The following CLK3 variants were observed in gnomAD, a reference collection of about 807,000 sequenced individuals.
The protein encoded by CLK3 is dual specificity protein kinase CLK3.
Under a neutral mutation model 65.2 loss-of-function variants are expected in CLK3, and 24 were observed. The ratio of observed to expected loss-of-function variants is 0.37; its 90% CI spans 0.27 to 0.52. The LOEUF is 0.52. Ranked by LOEUF, CLK3 falls within the 20% of genes least tolerant of loss-of-function variation. CLK3 has a pLI of 0.92. For synonymous variants in CLK3, 252 were observed against 240.8 expected (o/e 1.05, Z -0.43); for missense variants, 506 against 660.0 (o/e 0.77, Z 2.56).
intron 1 of CLK3, among the ~76,000 whole-genome samples, chr15:74,616,914 TGCAGA>T (rs2062064942): frequency 6.6e-6 from 1 of 152,254 alleles, no homozygotes; most frequent in Non-Finnish European, 1.5e-5. Flanking sequence ...TTCCTCATTG[TGCAGA>T]GCAGAGCTTC....
At chr15:74,610,658 C>G (rs2141525223) in intron 1 of CLK3, among the ~76,000 whole-genome samples, 1 of 152,374 alleles carries the variant, frequency 6.6e-6, no homozygotes, top group Middle Eastern at 3.4e-3. Context: ...CTGTGCATCT[C>G]TACCTCCAGC....
Position 74,624,739 on chromosome 15 carries a change from G to C in CLK3, c.534-163G>C. ...GGGAGCTTGCTGTTGGGTGGGCAAA[G>C]GTCTGGTGTTGCATGGGGCAGGCTG... On this transcript the variant is annotated intron_variant, in intron 5 of 12. Transcript: ENST00000395066. The surrounding 1 kb of genome is among the most constrained non-coding windows in gnomAD (Gnocchi z 4.2). 1 of 623,678 alleles carries C rather than the reference G, an allele frequency of 1.6e-6. No homozygotes were observed. 38.6% of individuals were successfully genotyped at this position (623,678 alleles called of 1,614,324 possible). A position where few individuals can be genotyped will look rare whatever the true frequency, so the allele number is the denominator to read the frequency against.
At position 74,622,698 on chromosome 15, in the gene CLK3, CT is replaced by C; in HGVS notation, c.533+139del. On this transcript the variant is annotated intron_variant, in intron 5 of 12. Coordinates refer to ENST00000395066, the MANE Select transcript of CLK3 (RefSeq NM_001130028.2). This position sits in a 1 kb window ranked among gnomAD's most constrained non-coding sequence, Gnocchi z 4.6. ...GGTGGCATCAAAGTAGGGTTCCGAC[CT>C]GTCCATGTTGGGGTTTTGCTGACCC... 1 of 590,966 alleles carries C rather than the reference CT, an allele frequency of 1.7e-6. No homozygotes were observed. The highest frequency in any genetic ancestry group is 3.4e-5 in the Admixed American group (1 of 29,778). The allele number at this position is 590,966 out of a possible 1,614,324, so 36.6% of individuals were successfully genotyped here.
At chr15:74,620,306 G>C (rs527476353) in intron 3 of CLK3, 81 bp downstream of exon 3, 462 of 1,576,436 alleles carry the variant, frequency 2.9e-4, no homozygotes, top group Non-Finnish European at 3.8e-4. Context: ...GCTGGTCCGG[G>C]TGAGTACTGC....
At chr15:74,610,804 G>A (rs2141525526) in intron 1 of CLK3, among the ~76,000 whole-genome samples, 1 of 152,362 alleles carries the variant, frequency 6.6e-6, no homozygotes, top group East Asian at 1.9e-4. Flanking sequence ...GGGTCCCCCA[G>A]GCCTGGTAGG....
upstream of CLK3, among the ~76,000 whole-genome samples, chr15:74,611,391 G>T (rs771281626): frequency 4.6e-5 from 7 of 152,214 alleles, no homozygotes; most frequent in African/African-American, 1.7e-4. Flanking sequence ...AAGAAGGAAT[G>T]GGGGAGGACA....
In CLK3 at chr15:74,619,458, C is replaced by A. The variant is rs2062084672; in HGVS notation, c.152+110C>A. ...CATCCCTGCCCAGCTGTCCCTGGAT[C>A]CCTGCCCTGTCCTCTTTGGGCTCCT... On this transcript the variant is annotated intron_variant, in intron 2 of 12. Coordinates refer to ENST00000395066, the MANE Select transcript of CLK3 (RefSeq NM_001130028.2). The A allele has an allele frequency of 3.2e-6, 4 of 1,255,488 alleles. No individual in the cohort carries two copies. The Middle Eastern group carries it at 7.9e-4, about 248-fold the overall frequency. The allele number at this position is 1,255,488 out of a possible 1,614,324, so 77.8% of individuals were successfully genotyped here. A position where few individuals can be genotyped will look rare whatever the true frequency, so the allele number is the denominator to read the frequency against.
rs1438344592 is a variant in CLK3, at chr15:74,628,035, G to A, written c.1108G>A (p.Gly370Ser). ...IGCILFEYYRGFTLFQTHENR... is the reference protein window; with the variant it reads ...IGCILFEYYRSFTLFQTHENR... ...CTGCATTCTCTTTGAGTACTACCGG[G>A]GCTTCACACTCTTCCAGGTACAGCC... The change falls in exon 10 of 13, where the codon GGC becomes AGC. Residue 370 changes from glycine (G) to serine (S), a missense_variant. Gly to Ser is a moderately conservative substitution (Grantham distance 56). Coordinates refer to ENST00000395066, the MANE Select transcript of CLK3 (RefSeq NM_001130028.2). The A allele has an allele frequency of 6.2e-7, 1 of 1,612,532 alleles. No individual in the cohort carries two copies. Among genetic ancestry groups the A allele is most frequent in the Non-Finnish European group, 8.5e-7 (1 of 1,178,704 alleles).
In CLK3 at chr15:74,620,508, C is replaced by G. The variant is rs1277495252; in HGVS notation, c.369+283C>G. ...GTCTACACAGTGCTCCAGACAAAGGCCACGTGGTGCAAGTGGCTGGGGACA... is the reference window on the plus strand; with the variant it reads ...GTCTACACAGTGCTCCAGACAAAGGGCACGTGGTGCAAGTGGCTGGGGACA... On this transcript the variant is annotated intron_variant, in intron 3 of 12. Transcript: ENST00000395066. The G allele has an allele frequency of 1.1e-5, 6 of 538,794 alleles. No individual in the cohort carries two copies. In the African/African-American group the frequency reaches 1.1e-4, roughly 10 times the overall value. 33.4% of individuals were successfully genotyped at this position (538,794 alleles called of 1,614,324 possible).
In CLK3 at chr15:74,619,420, C is replaced by T. The variant is rs2141540095; in HGVS notation, c.152+72C>T. On this transcript the variant is annotated intron_variant, in intron 2 of 12. Transcript: ENST00000395066. ...GCTCAGCTGTGGCAGCTCCAGACTC[C>T]TTGAGATGACTCCATCCCTGCCCAG... is the stretch of plus-strand genomic sequence containing the variant. 3 of 1,524,280 alleles carry T rather than the reference C, an allele frequency of 2.0e-6. No homozygotes were observed. In the South Asian group the frequency reaches 3.5e-5, roughly 18 times the overall value. 94.4% of individuals were successfully genotyped at this position (1,524,280 alleles called of 1,614,324 possible).
upstream of CLK3, among the ~76,000 whole-genome samples, chr15:74,612,507 G>C (rs1051033918): frequency 4.6e-5 from 7 of 152,086 alleles, no homozygotes; most frequent in Non-Finnish European, 7.4e-5. Context: ...TGGGCACGAG[G>C]CACCCTGCCC....
Position 74,624,186 on chromosome 15 carries a change from G to A in CLK3, c.534-716G>A, listed in dbSNP as rs1318516515. 1 of 152,336 alleles carries A rather than the reference G, an allele frequency of 6.6e-6. No individual in the cohort carries two copies. The highest frequency in any genetic ancestry group is 1.5e-5 in the Non-Finnish European group (1 of 68,148). 9.4% of individuals were successfully genotyped at this position (152,336 alleles called of 1,614,324 possible). A position where few individuals can be genotyped will look rare whatever the true frequency, so the allele number is the denominator to read the frequency against. On this transcript the variant is annotated intron_variant, in intron 5 of 12. Coordinates refer to ENST00000395066, the MANE Select transcript of CLK3 (RefSeq NM_001130028.2). The surrounding 1 kb of genome is among the most constrained non-coding windows in gnomAD (Gnocchi z 4.2). The stretch of plus-strand genomic sequence containing the variant: ...CCTTTCCTGACAGGGCCTGGCAGTT[G>A]AGCCTCAGCAGGTTTCCTTCTCTGC...
At position 74,629,852 on chromosome 15, in the gene CLK3, C is replaced by T; in HGVS notation, c.1442C>T (p.Ser481Phe). Residue 481 changes from serine to phenylalanine, a missense_variant, in exon 13 of 13, where the codon TCC becomes TTC. Ser to Phe is a radical substitution (Grantham distance 155). This residue lies in a region of CLK3 where 325 missense variants were observed against 500.5 expected (regional missense o/e 0.65). Transcript: ENST00000395066. ...FFAGLTPEER[S>F]FHTSRNPSR ...GCTGGCCTGACCCCTGAGGAGCGGTCCTTCCACACCAGCCGCAACCCAAGC... is the reference window on the plus strand; with the variant it reads ...GCTGGCCTGACCCCTGAGGAGCGGTTCTTCCACACCAGCCGCAACCCAAGC... The T allele has an allele frequency of 6.2e-7, 1 of 1,609,156 alleles. No homozygotes were observed.
chr15:74,612,135 G>A (rs562189599), upstream of CLK3, among the ~76,000 whole-genome samples: 21 of 152,316 alleles, frequency 1.4e-4, no homozygotes, highest in Non-Finnish European at 2.5e-4. Context: ...GCCCAAGTCC[G>A]GCAGGGAGTC....
rs948220131 is a variant in CLK3, at chr15:74,616,073, C to T, written c.-1+175C>T. The T allele has an allele frequency of 1.0e-5, 5 of 490,304 alleles. No individual in the cohort carries two copies. The South Asian group carries it at 5.2e-4, about 51-fold the overall frequency. 30.4% of individuals were successfully genotyped at this position (490,304 alleles called of 1,614,324 possible). ...GACCCGCTGCTTCTGCCCCGGAGGG[C>T]GGTCACTGCAGACCCTGACCTCGAC... On this transcript the variant is annotated intron_variant, in intron 1 of 12. Coordinates refer to ENST00000395066, the MANE Select transcript of CLK3 (RefSeq NM_001130028.2).
At position 74,618,806 on chromosome 15, in the gene CLK3, G is replaced by A. The variant is rs76290550; in HGVS notation, c.1-391G>A. 2.8e-3 allele frequency among the ~76,000 whole-genome samples: 430 copies of A among 152,190 alleles called. 5 individuals carry two copies. The highest frequency in any genetic ancestry group is 0.024 in the East Asian group (124 of 5,176). ...TACAGAGCATTCACTTCACGGGACCGCCCCCCCGGGCGGGAGGGAATAGAG... is the reference window on the plus strand; with the variant it reads ...TACAGAGCATTCACTTCACGGGACCACCCCCCCGGGCGGGAGGGAATAGAG... On this transcript the variant is annotated intron_variant, in intron 1 of 12. Coordinates refer to ENST00000395066, the MANE Select transcript of CLK3 (RefSeq NM_001130028.2).
In CLK3 at chr15:74,622,467, T is replaced by G. The variant is rs765624153; in HGVS notation, c.467-27T>G. ...TGCCAACCCCCTGCCCTCCAGATTC[T>G]CATGCCCAATTTCTTTTCTCTCCTA... On this transcript the variant is annotated intron_variant, in intron 4 of 12. Transcript: ENST00000395066. The surrounding 1 kb of genome is among the most constrained non-coding windows in gnomAD (Gnocchi z 4.6). 4 of 1,578,806 alleles carry G rather than the reference T, an allele frequency of 2.5e-6. No homozygotes were observed. The Admixed American group carries it at 7.5e-5, about 30-fold the overall frequency.
Position 74,624,838 on chromosome 15 carries a change from TG to T in CLK3, c.534-62del. ...TTTGTTGGGAGTTGCTGGGTTGGGG[TG>T]GAGGGTTGGGGAAGGACTGGGCAGC... On this transcript the variant is annotated intron_variant, in intron 5 of 12. Transcript: ENST00000395066. This position sits in a 1 kb window ranked among gnomAD's most constrained non-coding sequence, Gnocchi z 4.2. 8.4e-7 allele frequency: 1 copy of T among 1,197,290 alleles called. No homozygotes were observed. The highest frequency in any genetic ancestry group is 1.2e-6 in the Non-Finnish European group (1 of 819,952). 74.2% of individuals were successfully genotyped at this position (1,197,290 alleles called of 1,614,324 possible).
intron 1 of CLK3, among the ~76,000 whole-genome samples, chr15:74,609,182 G>A (rs936636255): frequency 5.3e-5 from 8 of 152,204 alleles, no homozygotes; most frequent in Non-Finnish European, 5.9e-5. Context: ...CCAGGGTTGT[G>A]GAGCTCCAGC....
Sources: allele counts gnomAD v4.1 joint callset (sites outside exome capture counted in the v4.1 genomes callset), GRCh38; gene constraint gnomAD v4.1.1; regional missense constraint gnomAD v4.1.1; non-coding constraint Gnocchi (gnomAD v3.1); transcripts MANE v1.5; gene names NCBI Gene and HGNC (gene_info 2026-07-23, HGNC 2026-07-21).